Variants in DUSP4 observed in about 807,000 individuals in gnomAD.
The protein encoded by DUSP4 is dual specificity phosphatase 4, also known as dual specificity protein phosphatase 4.
DUSP4 carries 12 observed loss-of-function variants against 27.2 expected under a neutral mutation model. The observed-to-expected ratio is 0.44, with a 90% confidence interval of 0.28 to 0.71. DUSP4 has a LOEUF of 0.71. Ranked by LOEUF, DUSP4 falls within the 30% of genes least tolerant of loss-of-function variation. The pLI, the probability that DUSP4 is intolerant of heterozygous loss-of-function variation, is 0.14. For synonymous variants in DUSP4, 257 were observed against 245.2 expected (o/e 1.05, Z -0.45); for missense variants, 448 against 551.3 (o/e 0.81, Z 1.88).
At chr8:29,344,847 T>C (rs570281) in intron 1 of DUSP4, among the ~76,000 whole-genome samples, 75,009 of 149,580 alleles carry the variant, frequency 0.5, 20,611 homozygotes, top group African/African-American at 0.73. Context: ...TTTTTTTTTT[T>C]CCCCAGACAG....
intron 1 of DUSP4, chr8:29,348,060 A>G (rs1817761096): frequency 2.0e-6 from 2 of 985,478 alleles, no homozygotes; most frequent in African/African-American, 1.7e-5. Flanking sequence ...GATTTCTTCC[A>G]GGAAGGAAAG....
intron 2 of DUSP4, among the ~76,000 whole-genome samples, chr8:29,339,245 G>C (rs1756950381): frequency 6.6e-6 from 1 of 152,184 alleles, no homozygotes; most frequent in Admixed American, 6.5e-5. Context: ...AGAGGATCTT[G>C]GCAAAATGAG....
intron 1 of DUSP4, among the ~76,000 whole-genome samples, chr8:29,349,108 A>C (rs75701760): frequency 0.014 from 2,070 of 152,270 alleles, 55 homozygotes; most frequent in African/African-American, 0.048. Context: ...CAGATAGTCG[A>C]AAATCCGGGC....
Position 29,338,400 on chromosome 8 carries a change from A to G in DUSP4, c.681T>C (p.Asn227=), listed in dbSNP as rs1817609098. 6.2e-7 allele frequency: 1 copy of G among 1,614,194 alleles called. No individual in the cohort carries two copies. Among genetic ancestry groups the G allele is most frequent in the Non-Finnish European group, 8.5e-7 (1 of 1,180,028 alleles). ...LDALGITALL[N]VSSDCPNHFE... Reference sequence around the variant, plus strand: ...AGTGGTTTGGGCAGTCCGAGGAGACATTCAACAGAGCCGTGATGCCCAGGG... The same window carrying G: ...AGTGGTTTGGGCAGTCCGAGGAGACGTTCAACAGAGCCGTGATGCCCAGGG... The change falls in exon 3 of 4, where the codon AAT becomes AAC. Residue 227 remains asparagine (N), a synonymous_variant. Transcript: ENST00000240100.
intron 1 of DUSP4, among the ~76,000 whole-genome samples, chr8:29,343,516 A>G (rs867630110): frequency 6.6e-6 from 1 of 152,194 alleles, no homozygotes; most frequent in African/African-American, 2.4e-5. Context: ...GTGTCAGTCT[A>G]TGCCACCTCT....
In DUSP4 at chr8:29,341,178, G is replaced by A. The variant is rs376530957; in HGVS notation, c.434-935C>T. Among the ~76,000 whole-genome samples the A allele has an allele frequency of 1.1e-3, 162 of 152,296 alleles. 2 individuals are homozygous for A. The South Asian group carries it at 0.02, about 18-fold the overall frequency. ...ATTTTTATTTTACAGTGTCTGTAGG[G>A]CCAGAAATGGATTCAATTGATTCAG... On this transcript the variant is annotated intron_variant, in intron 1 of 3. Coordinates refer to ENST00000240100, the MANE Select transcript of DUSP4 (RefSeq NM_001394.7).
rs1399765857 is a variant in DUSP4, at chr8:29,338,420, C to T, written c.661G>A (p.Gly221Ser). 1 of 1,614,108 alleles carries T rather than the reference C, an allele frequency of 6.2e-7. No individual in the cohort carries two copies. ...AARRDMLDAL[G>S]ITALLNVSSD... ...GAGACATTCAACAGAGCCGTGATGC[C>T]CAGGGCGTCCAGCATGTCTCTCCGG... Residue 221 changes from glycine to serine, a missense_variant, in exon 3 of 4, where the codon GGC becomes AGC. Physicochemically the swap from Gly to Ser is moderately conservative, Grantham distance 56 (BLOSUM62 0). Coordinates refer to ENST00000240100, the MANE Select transcript of DUSP4 (RefSeq NM_001394.7).
At chr8:29,348,757 G>GC in intron 1 of DUSP4, 1 of 985,406 alleles carries the variant, frequency 1.0e-6, no homozygotes, top group South Asian at 4.7e-5. Context: ...GAAGGCGCCT[G>GC]CGGGGGGGAG....
At position 29,337,724 on chromosome 8, in the gene DUSP4, G is replaced by A. The variant is rs1319077806; in HGVS notation, c.800-313C>T. On this transcript the variant is annotated intron_variant, in intron 3 of 3. Transcript: ENST00000240100. This position sits in a 1 kb window ranked among gnomAD's most constrained non-coding sequence, Gnocchi z 6.4. ...TAATCCCAGCGCTTTGGGAGGCCAA[G>A]GAGGGTGGATAACTTGAGCTCAGGA... Among the ~76,000 whole-genome samples, 3 of 152,224 alleles carry A rather than the reference G, an allele frequency of 2.0e-5. No individual in the cohort carries two copies. The highest frequency in any genetic ancestry group is 4.8e-5 in the African/African-American group (2 of 41,468).
chr8:29,348,226 A>T (rs1817763553), intron 1 of DUSP4: 1 of 985,496 alleles, frequency 1.0e-6, no homozygotes, highest in Admixed American at 6.1e-5. Context: ...TGCGGGGAAC[A>T]TCCCGGCCAG....
At position 29,334,209 on chromosome 8, in the gene DUSP4, G is replaced by A. The variant is rs1817536738; in HGVS notation, c.*2817C>T. 1 of 152,178 alleles carries A rather than the reference G, an allele frequency of 6.6e-6. No homozygotes were observed. Among genetic ancestry groups the A allele is most frequent in the Non-Finnish European group, 1.5e-5 (1 of 68,052 alleles). 9.4% of individuals were successfully genotyped at this position (152,178 alleles called of 1,614,324 possible). A position where few individuals can be genotyped will look rare whatever the true frequency, so the allele number is the denominator to read the frequency against. ...ATACCAAAGTTGACAATCAATGAGGGTCAATGCTTTCCTGTCATTACAGAA... is the reference window on the plus strand; with the variant it reads ...ATACCAAAGTTGACAATCAATGAGGATCAATGCTTTCCTGTCATTACAGAA... On this transcript the variant is annotated 3_prime_UTR_variant, in exon 4 of 4. Transcript: ENST00000240100.
intron 1 of DUSP4, among the ~76,000 whole-genome samples, chr8:29,344,648 A>G (rs1587050164): frequency 6.6e-6 from 1 of 152,152 alleles, no homozygotes; most frequent in South Asian, 2.1e-4. Flanking sequence ...TTCCAAGTTT[A>G]GTGGAAATGA....
chr8:29,344,802 G>A (rs1389371397), intron 1 of DUSP4, among the ~76,000 whole-genome samples: 1 of 151,246 alleles, frequency 6.6e-6, no homozygotes, highest in East Asian at 1.9e-4. Flanking sequence ...GGGGAAGACT[G>A]TCCTTTGGTG....
At position 29,338,418 on chromosome 8, in the gene DUSP4, G is replaced by A; in HGVS notation, c.663C>T (p.Gly221=). 6.2e-7 allele frequency: 1 copy of A among 1,614,224 alleles called. No individual in the cohort carries two copies. Among genetic ancestry groups the A allele is most frequent in the Non-Finnish European group, 8.5e-7 (1 of 1,180,040 alleles). The change falls in exon 3 of 4, where the codon GGC becomes GGT. Residue 221 remains glycine (G), a synonymous_variant. Transcript: ENST00000240100. ...AARRDMLDAL[G]ITALLNVSSD... ...AGGAGACATTCAACAGAGCCGTGAT[G>A]CCCAGGGCGTCCAGCATGTCTCTCC...
intron 1 of DUSP4, among the ~76,000 whole-genome samples, chr8:29,344,846 T>TC (rs1563862663): frequency 6.7e-6 from 1 of 149,848 alleles, no homozygotes; most frequent in African/African-American, 2.5e-5. Context: ...TTTTTTTTTT[T>TC]TCCCCAGACA....
At chr8:29,344,385 C>T (rs960099754) in intron 1 of DUSP4, among the ~76,000 whole-genome samples, 2 of 152,142 alleles carry the variant, frequency 1.3e-5, no homozygotes, top group Non-Finnish European at 2.9e-5. Context: ...ATGTATTGAA[C>T]GTGTCTGTGT....
chr8:29,347,682 C>A, intron 1 of DUSP4: 1 of 922,904 alleles, frequency 1.1e-6, no homozygotes, highest in African/African-American at 1.8e-5. Flanking sequence ...CTGCCCGCGT[C>A]GGGGCCGACT....
At position 29,337,638 on chromosome 8, in the gene DUSP4, G is replaced by A. The variant is rs1817598800; in HGVS notation, c.800-227C>T. Among the ~76,000 whole-genome samples the A allele has an allele frequency of 6.6e-6, 1 of 152,162 alleles. No homozygotes were observed. On this transcript the variant is annotated intron_variant, in intron 3 of 3. Coordinates refer to ENST00000240100, the MANE Select transcript of DUSP4 (RefSeq NM_001394.7). The surrounding 1 kb of genome is among the most constrained non-coding windows in gnomAD (Gnocchi z 6.4). The stretch of plus-strand genomic sequence containing the variant: ...TGAAGCTGGTTAAATCCTATTATCT[G>A]TTCAAGGATTTCCCTTTGCAGAAAC...
Position 29,350,093 on chromosome 8 carries a change from T to C in DUSP4, c.186A>G (p.Leu62=), listed in dbSNP as rs978777384. 6 of 1,608,344 alleles carry C rather than the reference T, an allele frequency of 3.7e-6. No homozygotes were observed. The highest frequency in any genetic ancestry group is 1.3e-5 in the African/African-American group (1 of 74,950). ...TGTTACAGCGCACGTTGACCGAACC[T>C]AGGATGTAGCCCGCGCTGTGCGCCA... is the stretch of plus-strand genomic sequence containing the variant. ...PFLAHSAGYI[L]GSVNVRCNTI... Residue 62 remains leucine, a synonymous_variant, in exon 1 of 4, where the codon CTA becomes CTG. Transcript: ENST00000240100.
Sources: allele counts gnomAD v4.1 joint callset (sites outside exome capture counted in the v4.1 genomes callset), GRCh38; gene constraint gnomAD v4.1.1; non-coding constraint Gnocchi (gnomAD v3.1); transcripts MANE v1.5; gene names NCBI Gene and HGNC (gene_info 2026-07-23, HGNC 2026-07-21).